The following LRRC8D variants were observed in gnomAD, a reference collection of about 807,000 sequenced individuals.
LRRC8D encodes volume-regulated anion channel subunit LRRC8D.
In LRRC8D, 20 loss-of-function variants were observed where a neutral mutation model predicts 55.8. The observed-to-expected ratio is 0.36, with a 90% CI of 0.25 to 0.52. The LOEUF (loss-of-function observed/expected upper bound fraction) is 0.52, where lower values mean the gene tolerates loss of function less well. Among genes scored for constraint, LRRC8D ranks in the 20% least tolerant of loss-of-function variants. The pLI is 0.93. For synonymous variants in LRRC8D, 352 were observed against 377.0 expected (o/e 0.93, Z 0.77); for missense variants, 651 against 1,030.8 (o/e 0.63, Z 5.05).
rs534844898 is a variant in LRRC8D, at chr1:89,861,587, T to C, written c.-3+17805T>C. On this transcript the variant is annotated intron_variant, in intron 2 of 2. Coordinates refer to ENST00000337338, the MANE Select transcript of LRRC8D (RefSeq NM_001134479.2). ...GTAGCATCACTGTCCATGTCACATA[T>C]CTGGACAAGTCAGCGAAGAGGTATT... 5.3e-5 allele frequency among the ~76,000 whole-genome samples: 8 copies of C among 152,328 alleles called. No individual in the cohort carries two copies. In the South Asian group the frequency reaches 1.2e-3, roughly 24 times the overall value.
intron 2 of LRRC8D, among the ~76,000 whole-genome samples, chr1:89,867,074 G>C (rs1278651914): frequency 6.6e-6 from 1 of 152,048 alleles, no homozygotes; most frequent in Non-Finnish European, 1.5e-5. Flanking sequence ...AACAGTGTTT[G>C]TAGTACATTT....
chr1:89,887,306 C>T (rs1401604984), intron 2 of LRRC8D, among the ~76,000 whole-genome samples: 1 of 152,116 alleles, frequency 6.6e-6, no homozygotes, highest in Admixed American at 6.5e-5. Context: ...ATACCTTATA[C>T]GAATGGTAGC....
chr1:89,860,882 C>T (rs1273348471), intron 2 of LRRC8D, among the ~76,000 whole-genome samples: 1 of 145,504 alleles, frequency 6.9e-6, no homozygotes, highest in Admixed American at 7.0e-5. Flanking sequence ...TCCATTCCCC[C>T]TTTTAAAGTT....
chr1:89,919,486 A>C (rs1159708384), intron 2 of LRRC8D, among the ~76,000 whole-genome samples: 1 of 152,230 alleles, frequency 6.6e-6, no homozygotes, highest in Non-Finnish European at 1.5e-5. Flanking sequence ...TGCTAGAAGA[A>C]ATACTATTAA....
intron 2 of LRRC8D, among the ~76,000 whole-genome samples, chr1:89,849,784 C>G (rs1428558083): frequency 6.6e-6 from 1 of 151,948 alleles, no homozygotes; most frequent in African/African-American, 2.4e-5. Flanking sequence ...GAAATTAATT[C>G]CTCTTTGTCT....
chr1:89,855,873 C>G (rs945914589), intron 2 of LRRC8D, among the ~76,000 whole-genome samples: 2 of 152,088 alleles, frequency 1.3e-5, no homozygotes, highest in African/African-American at 4.8e-5. Flanking sequence ...TGAAGTCAGA[C>G]CAATAGAGAT....
intron 1 of LRRC8D, among the ~76,000 whole-genome samples, chr1:89,842,365 T>A (rs1199124533): frequency 2.0e-5 from 3 of 152,220 alleles, no homozygotes; most frequent in African/African-American, 4.8e-5. Context: ...TTAATTTCTC[T>A]GACCCTGTTT....
intron 1 of LRRC8D, among the ~76,000 whole-genome samples, chr1:89,833,309 TC>T (rs1228631455): frequency 3.5e-4 from 54 of 152,212 alleles, no homozygotes. Context: ...TAAAGGATCT[TC>T]CTGGAACACC....
chr1:89,916,155 T>C (rs1478583276), intron 2 of LRRC8D, among the ~76,000 whole-genome samples: 1 of 152,218 alleles, frequency 6.6e-6, no homozygotes, highest in Non-Finnish European at 1.5e-5. Flanking sequence ...ACAGTGGCTA[T>C]CTACTAAAAT....
intron 2 of LRRC8D, among the ~76,000 whole-genome samples, chr1:89,867,375 C>T (rs982982428): frequency 1.3e-5 from 2 of 152,148 alleles, no homozygotes; most frequent in African/African-American, 4.8e-5. Context: ...GATCATATCC[C>T]ATTGTATAAA....
chr1:89,892,176 T>G (rs1662594158), intron 2 of LRRC8D, among the ~76,000 whole-genome samples: 1 of 152,232 alleles, frequency 6.6e-6, no homozygotes, highest in Non-Finnish European at 1.5e-5. Flanking sequence ...TGCTGGATAT[T>G]TCACAGTGCT....
At chr1:89,839,235 C>T (rs1661075437) in intron 1 of LRRC8D, among the ~76,000 whole-genome samples, 1 of 152,172 alleles carries the variant, frequency 6.6e-6, no homozygotes, top group Non-Finnish European at 1.5e-5. Flanking sequence ...TCTGAGAATT[C>T]ATTGAGGCAG....
At chr1:89,897,233 T>C (rs754834665) in intron 2 of LRRC8D, among the ~76,000 whole-genome samples, 15 of 152,248 alleles carry the variant, frequency 9.9e-5, no homozygotes, top group Non-Finnish European at 1.2e-4. Flanking sequence ...AGTATTTTAA[T>C]AGTATAGATC....
chr1:89,878,877 G>T (rs1046469328), intron 2 of LRRC8D, among the ~76,000 whole-genome samples: 1 of 149,758 alleles, frequency 6.7e-6, no homozygotes, highest in Non-Finnish European at 1.5e-5. Flanking sequence ...TGAGGCAGGA[G>T]AATCACTTGA....
At chr1:89,842,184 G>T (rs1661151481) in intron 1 of LRRC8D, among the ~76,000 whole-genome samples, 1 of 142,830 alleles carries the variant, frequency 7.0e-6, no homozygotes, top group African/African-American at 2.7e-5. Flanking sequence ...CTGCACTCCA[G>T]CCTGGGCGAC....
intron 2 of LRRC8D, among the ~76,000 whole-genome samples, chr1:89,889,236 G>T (rs756548047): frequency 6.6e-6 from 1 of 152,128 alleles, no homozygotes; most frequent in South Asian, 2.1e-4. Flanking sequence ...ACTAATTCCA[G>T]TTGGTGGTCA....
chr1:89,888,732 C>G (rs534878892), intron 2 of LRRC8D, among the ~76,000 whole-genome samples: 1 of 152,246 alleles, frequency 6.6e-6, no homozygotes, highest in Admixed American at 6.5e-5. Flanking sequence ...TAAGGAAGAG[C>G]TTAACAAACC....
At chr1:89,924,094 T>C (rs894887593) in intron 2 of LRRC8D, among the ~76,000 whole-genome samples, 3 of 152,138 alleles carry the variant, frequency 2.0e-5, no homozygotes, top group African/African-American at 7.2e-5. Flanking sequence ...CTAATTAAAC[T>C]AAAGAGCTTC....
chr1:89,910,079 A>G (rs1006046807), intron 2 of LRRC8D, among the ~76,000 whole-genome samples: 29 of 152,326 alleles, frequency 1.9e-4, no homozygotes, highest in African/African-American at 5.5e-4. Context: ...AATTATGGTT[A>G]CACTTTAATG....
Sources: allele counts gnomAD v4.1 joint callset (sites outside exome capture counted in the v4.1 genomes callset), GRCh38; gene constraint gnomAD v4.1.1; transcripts MANE v1.5; gene names NCBI Gene and HGNC (gene_info 2026-07-23, HGNC 2026-07-21).